COL14A1: variants seen among roughly 807,000 people sequenced by gnomAD.
COL14A1 encodes the protein collagen type XIV alpha 1 chain, also known as collagen alpha-1(XIV) chain.
A neutral mutation model predicts 230.3 loss-of-function variants in COL14A1; 136 were observed. The ratio of observed to expected loss-of-function variants is 0.59; its 90% CI spans 0.51 to 0.68. COL14A1 has a LOEUF of 0.68. Ranked by LOEUF, COL14A1 falls within the 30% of genes least tolerant of loss-of-function variation. The probability of loss-of-function intolerance (pLI) is 0.00; values close to 1 mark genes in which losing one functional copy is unlikely to be tolerated. For synonymous variants in COL14A1, 792 were observed against 784.1 expected, an observed-to-expected ratio of 1.01 and a Z score of -0.17; for missense variants, 1,976 against 2,215.8, an observed-to-expected ratio of 0.89 and a Z score of 2.17.
chr8:120,128,597 T>C (rs1814430944), intron 1 of COL14A1, among the ~76,000 whole-genome samples: 2 of 152,096 alleles, frequency 1.3e-5, no homozygotes, highest in Non-Finnish European at 2.9e-5. Flanking sequence ...TAGCTGGGCG[T>C]GGTGGTGGGC....
At chr8:120,279,524 G>A (rs1011490860) in intron 28 of COL14A1, among the ~76,000 whole-genome samples, 9 of 148,298 alleles carry the variant, frequency 6.1e-5, no homozygotes, top group Non-Finnish European at 7.4e-5. Context: ...AGGTTGCTAG[G>A]CCTATTAATG....
intron 5 of COL14A1, among the ~76,000 whole-genome samples, chr8:120,188,659 A>G (rs1373247794): frequency 2.0e-5 from 3 of 152,216 alleles, no homozygotes; most frequent in Non-Finnish European, 4.4e-5. Flanking sequence ...ATTGCATTTT[A>G]GGTAAGACCC....
intron 40 of COL14A1, among the ~76,000 whole-genome samples, chr8:120,317,591 C>A (rs538280268): frequency 2.0e-5 from 3 of 152,294 alleles, no homozygotes; most frequent in Non-Finnish European, 4.4e-5. Flanking sequence ...CTTCGTGATT[C>A]CTGAAGTTCT....
At chr8:120,199,594 A>G (rs762098820) in intron 8 of COL14A1, 28 bp downstream of exon 8, 1 of 1,597,284 alleles carries the variant, frequency 6.3e-7, no homozygotes, top group Non-Finnish European at 8.5e-7. Flanking sequence ...TCTTGTTTCA[A>G]CTAAGGGCAT....
At chr8:120,208,056 G>A (rs952245222) in intron 10 of COL14A1, among the ~76,000 whole-genome samples, 176 bp from the exon 11 acceptor site, 2 of 152,134 alleles carry the variant, frequency 1.3e-5, no homozygotes, top group African/African-American at 2.4e-5. Context: ...CATAAAAGGT[G>A]CATCACTTCA....
Position 120,318,611 on chromosome 8 carries a change from C to G in COL14A1, c.4659+2614C>G, listed in dbSNP as rs76646628. ...GACACGAAGCACCCCAGAAGACATGCTGCATTGGAGGGCCATCTCTCCCTG... is the reference window on the plus strand; with the variant it reads ...GACACGAAGCACCCCAGAAGACATGGTGCATTGGAGGGCCATCTCTCCCTG... On this transcript the variant is annotated intron_variant, in intron 40 of 47. Coordinates refer to ENST00000297848, the MANE Select transcript of COL14A1 (RefSeq NM_021110.4). Among the ~76,000 whole-genome samples the G allele has an allele frequency of 2.6e-3, 391 of 152,198 alleles. 1 individual carries two copies. The highest frequency in any genetic ancestry group is 8.8e-3 in the African/African-American group (366 of 41,510).
At chr8:120,212,697 A>C (rs1374133277) in intron 13 of COL14A1, 120 bp downstream of exon 13, 1 of 1,072,188 alleles carries the variant, frequency 9.3e-7, no homozygotes, top group Non-Finnish European at 1.3e-6. Flanking sequence ...AATTTTAAAA[A>C]TCTCATGTTC....
chr8:120,126,600 T>G (rs1814347318), intron 1 of COL14A1, among the ~76,000 whole-genome samples: 1 of 152,218 alleles, frequency 6.6e-6, no homozygotes, highest in African/African-American at 2.4e-5. Flanking sequence ...AAACTCCTGT[T>G]AAAGGCCTTG....
intron 9 of COL14A1, among the ~76,000 whole-genome samples, chr8:120,206,123 G>T (rs951939587): frequency 3.9e-5 from 6 of 152,080 alleles, no homozygotes; most frequent in Admixed American, 2.0e-4. Context: ...TGTGTTCGCT[G>T]ATGCTTAAAA....
intron 21 of COL14A1, among the ~76,000 whole-genome samples, 159 bp from the exon 22 acceptor site, chr8:120,250,458 A>C (rs1056939348): frequency 6.6e-6 from 1 of 152,240 alleles, no homozygotes; most frequent in African/African-American, 2.4e-5. Context: ...AGCAGTTTTT[A>C]GAGCTAGATG....
chr8:120,323,078 T>C (rs1821515026), intron 40 of COL14A1, among the ~76,000 whole-genome samples: 1 of 152,190 alleles, frequency 6.6e-6, no homozygotes, highest in Non-Finnish European at 1.5e-5. Flanking sequence ...TTTTGTTTAG[T>C]TTTGTTTTTA....
intron 45 of COL14A1, among the ~76,000 whole-genome samples, chr8:120,346,263 C>T (rs1011267248): frequency 3.3e-5 from 5 of 152,108 alleles, no homozygotes; most frequent in African/African-American, 1.2e-4. Flanking sequence ...TGGTGTAATA[C>T]AATAATAAGA....
At chr8:120,200,198 A>C (rs1449582740) in intron 8 of COL14A1, among the ~76,000 whole-genome samples, 1 of 152,048 alleles carries the variant, frequency 6.6e-6, no homozygotes, top group Non-Finnish European at 1.5e-5. Flanking sequence ...CAGCAGAAAA[A>C]ATGCCTGATT....
intron 4 of COL14A1, 40 bp from the exon 5 acceptor site, chr8:120,168,121 T>C: frequency 7.4e-7 from 1 of 1,357,386 alleles, no homozygotes; most frequent in Non-Finnish European, 1.0e-6. Context: ...TCTTTTAGAT[T>C]TTAGTATAAC....
chr8:120,183,058 G>A, intron 5 of COL14A1, among the ~76,000 whole-genome samples: 1 of 152,090 alleles, frequency 6.6e-6, no homozygotes, highest in Non-Finnish European at 1.5e-5. Flanking sequence ...ATATATAAAA[G>A]GATCACATAT....
intron 40 of COL14A1, among the ~76,000 whole-genome samples, chr8:120,319,837 A>G (rs16893915): frequency 0.016 from 2,434 of 151,688 alleles, 63 homozygotes; most frequent in African/African-American, 0.057. Context: ...ACCACACTTT[A>G]AAAAGCAATA....
At chr8:120,249,115 A>G (rs1356773279) in intron 21 of COL14A1, among the ~76,000 whole-genome samples, 3 of 134,538 alleles carry the variant, frequency 2.2e-5, no homozygotes, top group African/African-American at 8.7e-5. Context: ...TTTTTTTAGT[A>G]GAGACGGGGT....
In COL14A1 at chr8:120,279,926, C is replaced by T. The variant is rs758601691; in HGVS notation, c.3482-9C>T. Reference sequence around the variant, plus strand: ...AAGTAATCGGAAATCTGTTCTCTGTCTGCCACAGGCTATAGCATTTTTGCA... The same window carrying T: ...AAGTAATCGGAAATCTGTTCTCTGTTTGCCACAGGCTATAGCATTTTTGCA... On this transcript the variant is annotated splice_polypyrimidine_tract_variant and intron_variant, in intron 28 of 47. Coordinates refer to ENST00000297848, the MANE Select transcript of COL14A1 (RefSeq NM_021110.4). 3 of 1,611,382 alleles carry T rather than the reference C, an allele frequency of 1.9e-6. No individual in the cohort carries two copies. Among genetic ancestry groups the T allele is most frequent in the Non-Finnish European group, 8.5e-7 (1 of 1,178,546 alleles).
At chr8:120,132,702 G>T (rs1814571063) in intron 1 of COL14A1, among the ~76,000 whole-genome samples, 1 of 151,040 alleles carries the variant, frequency 6.6e-6, no homozygotes. Context: ...GCTGTGTTTT[G>T]GGCAGTATTC....
Sources: gnomAD v4.1 joint callset for allele counts (sites outside exome capture counted in the v4.1 genomes callset) on GRCh38, gnomAD v4.1.1 for gene constraint, MANE v1.5 for transcripts, NCBI Gene and HGNC (gene_info 2026-07-23, HGNC 2026-07-21) for gene names.